Variants in C14orf132 observed in about 807,000 individuals in gnomAD.
C14orf132 encodes chromosome 14 open reading frame 132.
In C14orf132, 6 loss-of-function variants were observed where a neutral mutation model predicts 5.8. The ratio of observed to expected loss-of-function variants is 1.03; its 90% confidence interval spans 0.57 to 2.04. The LOEUF (loss-of-function observed/expected upper bound fraction) is 2.04, where lower values mean the gene tolerates loss of function less well. Among genes scored for constraint, C14orf132 ranks in the 30% most tolerant of loss-of-function variants. The pLI is 0.00. For synonymous variants in C14orf132, 51 were observed against 49.8 expected (o/e 1.02, Z -0.10); for missense variants, 125 against 115.8 (o/e 1.08, Z -0.37).
chr14:96,067,965 G>C (rs1374410357), intron 1 of C14orf132, among the ~76,000 whole-genome samples: 2 of 152,116 alleles, frequency 1.3e-5, no homozygotes, highest in Non-Finnish European at 2.9e-5. Flanking sequence ...CACCTCATAG[G>C]GTTGCGATAA....
chr14:96,050,713 G>A (rs147424314), intron 1 of C14orf132, among the ~76,000 whole-genome samples: 38 of 151,862 alleles, frequency 2.5e-4, no homozygotes, highest in Admixed American at 2.4e-3. Context: ...CTGCTCCATG[G>A]CCTGGAAACT....
At chr14:96,070,784 A>T (rs1028418228) in intron 1 of C14orf132, among the ~76,000 whole-genome samples, 8 of 152,110 alleles carry the variant, frequency 5.3e-5, no homozygotes, top group African/African-American at 1.7e-4. Flanking sequence ...GAAGATTCCA[A>T]TGGAAGGTGT....
chr14:96,049,609 T>TACATATATATATATAC (rs1886959124), intron 1 of C14orf132, among the ~76,000 whole-genome samples: 1 of 119,108 alleles, frequency 8.4e-6, no homozygotes, highest in African/African-American at 3.3e-5. Context: ...CGTATATATA[T>TACATATATATATATAC]ACATATATAC....
At chr14:96,077,411 T>C (rs961668387) in intron 1 of C14orf132, among the ~76,000 whole-genome samples, 1 of 151,340 alleles carries the variant, frequency 6.6e-6, no homozygotes, top group Non-Finnish European at 1.5e-5. Flanking sequence ...TTAAAGGGGG[T>C]GATTAAGTTA....
intron 1 of C14orf132, among the ~76,000 whole-genome samples, chr14:96,084,308 C>A (rs1888115480): frequency 6.7e-6 from 1 of 149,506 alleles, no homozygotes; most frequent in Non-Finnish European, 1.5e-5. Context: ...GCAGAACAAT[C>A]CCCTGCAGCC....
Position 96,091,331 on chromosome 14 carries a change from A to G in C14orf132, c.*4596A>G, listed in dbSNP as rs1280643513. On this transcript the variant is annotated 3_prime_UTR_variant, in exon 2 of 2. Coordinates refer to ENST00000555004, the MANE Select transcript of C14orf132 (RefSeq NM_001252507.3). ...AGGCGGCAGTGCACAGGGATTTATC[A>G]GTTCCAGAACCTCACAGTGATAAGA... is the stretch of plus-strand genomic sequence containing the variant. The G allele has an allele frequency of 3.1e-6, 1 of 325,142 alleles. No homozygotes were observed. The highest frequency in any genetic ancestry group is 2.2e-5 in the African/African-American group (1 of 46,328). 20.1% of individuals were successfully genotyped at this position (325,142 alleles called of 1,614,324 possible). A position where few individuals can be genotyped will look rare whatever the true frequency, so the allele number is the denominator to read the frequency against.
In C14orf132 at chr14:96,040,747, C is replaced by CT. The variant is rs113246752; in HGVS notation, c.27+1220_27+1221insT. 2.2e-3 allele frequency among the ~76,000 whole-genome samples: 327 copies of CT among 151,714 alleles called. 3 individuals carry two copies. The highest frequency in any genetic ancestry group is 7.1e-3 in the African/African-American group (292 of 41,288). On this transcript the variant is annotated intron_variant, in intron 1 of 1. Transcript: ENST00000555004. ...AATTGCCCTTCTGAGTATCGCTGGC[C>CT]CTTTTTTTTTTGCCTGATTTTACAT...
chr14:96,086,443 C>T (rs1019429769), intron 1 of C14orf132, 68 bp from the exon 2 acceptor site: 8 of 1,420,896 alleles, frequency 5.6e-6, no homozygotes, highest in Non-Finnish European at 6.7e-6. Context: ...CAGACCACTT[C>T]CCTTTTGCAG....
intron 1 of C14orf132, among the ~76,000 whole-genome samples, chr14:96,080,427 A>G (rs977630610): frequency 6.6e-6 from 1 of 152,218 alleles, no homozygotes; most frequent in African/African-American, 2.4e-5. Context: ...ACAGGCACTG[A>G]GACTGCATCT....
intron 1 of C14orf132, among the ~76,000 whole-genome samples, chr14:96,070,789 A>C (rs1298845954): frequency 6.6e-6 from 1 of 152,138 alleles, no homozygotes; most frequent in African/African-American, 2.4e-5. Flanking sequence ...TTCCAATGGA[A>C]GGTGTGCAGG....
Position 96,090,390 on chromosome 14 carries a change from CAAAAA to C in C14orf132, c.*3666_*3670del. The C allele has an allele frequency of 1.0e-5, 2 of 197,266 alleles. No homozygotes were observed. The highest frequency in any genetic ancestry group is 8.3e-5 in the Admixed American group (1 of 12,102). The allele number at this position is 197,266 out of a possible 1,614,324, so 12.2% of individuals were successfully genotyped here. A position where few individuals can be genotyped will look rare whatever the true frequency, so the allele number is the denominator to read the frequency against. ...TGGGCAACAGAACGAGACTCTGTCT[CAAAAA>C]AAAAAAAAAAGAAAAGAAAAAAAAA... On this transcript the variant is annotated 3_prime_UTR_variant, in exon 2 of 2. Coordinates refer to ENST00000555004, the MANE Select transcript of C14orf132 (RefSeq NM_001252507.3).
chr14:96,084,815 A>T (rs1888130738), intron 1 of C14orf132, among the ~76,000 whole-genome samples: 1 of 152,026 alleles, frequency 6.6e-6, no homozygotes, highest in Admixed American at 6.5e-5. Context: ...CAAGGACAGC[A>T]CCATGTTAGG....
intron 1 of C14orf132, among the ~76,000 whole-genome samples, chr14:96,063,868 T>A (rs769270390): frequency 1.8e-4 from 27 of 151,170 alleles, no homozygotes; most frequent in Non-Finnish European, 3.7e-4. Context: ...ATCAAACAAA[T>A]CAGTAATAAA....
rs1387065225 is a variant in C14orf132, at chr14:96,090,408, AAAG to A, written c.*3676_*3678del. ...TCTGTCTCAAAAAAAAAAAAAAAGA[AAAG>A]AAAAAAAAAAAGAGCAACTTACTGC... On this transcript the variant is annotated 3_prime_UTR_variant, in exon 2 of 2. Transcript: ENST00000555004. 1 of 291,446 alleles carries A rather than the reference AAAG, an allele frequency of 3.4e-6. No individual in the cohort carries two copies. Among genetic ancestry groups the A allele is most frequent in the African/African-American group, 2.2e-5 (1 of 44,498 alleles). 18.1% of individuals were successfully genotyped at this position (291,446 alleles called of 1,614,324 possible). A position where few individuals can be genotyped will look rare whatever the true frequency, so the allele number is the denominator to read the frequency against.
intron 1 of C14orf132, among the ~76,000 whole-genome samples, chr14:96,056,837 G>GTAGA (rs1198846684): frequency 6.6e-6 from 1 of 152,160 alleles, no homozygotes; most frequent in Non-Finnish European, 1.5e-5. Context: ...CACCTCACCT[G>GTAGA]TAGATGGTGC....
chr14:96,053,571 C>T (rs765597934), intron 1 of C14orf132, among the ~76,000 whole-genome samples: 1 of 152,234 alleles, frequency 6.6e-6, no homozygotes, highest in African/African-American at 2.4e-5. Context: ...CAGCAAGGAG[C>T]AGGCAGGCCC....
At chr14:96,043,324 AT>A (rs1281478702) in intron 1 of C14orf132, among the ~76,000 whole-genome samples, 2 of 152,118 alleles carry the variant, frequency 1.3e-5, no homozygotes, top group East Asian at 3.9e-4. Context: ...GGGAGCGAAC[AT>A]TTCAGGAACG....
At chr14:96,069,256 CATATATATATATATATAT>C (rs55648129) in intron 1 of C14orf132, among the ~76,000 whole-genome samples, 1,613 of 95,212 alleles carry the variant, frequency 0.017, 36 homozygotes, top group Non-Finnish European at 0.027. Flanking sequence ...TGTTTATGTT[CATATATATATATATATAT>C]ATATATATAT....
At chr14:96,052,387 C>T (rs972418106) in intron 1 of C14orf132, among the ~76,000 whole-genome samples, 1 of 152,192 alleles carries the variant, frequency 6.6e-6, no homozygotes, top group Admixed American at 6.5e-5. Context: ...GCTTGCTCCC[C>T]CCGGGAGAGG....
Sources: allele counts gnomAD v4.1 joint callset (sites outside exome capture counted in the v4.1 genomes callset), GRCh38; gene constraint gnomAD v4.1.1; transcripts MANE v1.5; gene names NCBI Gene and HGNC (gene_info 2026-07-23, HGNC 2026-07-21).